Variants in PPM1E observed in about 807,000 individuals in gnomAD.
The protein encoded by PPM1E is protein phosphatase, Mg2+/Mn2+ dependent 1E.
In PPM1E, 20 loss-of-function variants were observed where a neutral mutation model predicts 65.9. The ratio of observed to expected loss-of-function variants is 0.30; its 90% confidence interval spans 0.21 to 0.44. PPM1E has a LOEUF of 0.44. Among genes scored for constraint, PPM1E ranks in the 20% least tolerant of loss-of-function variants. The pLI, the probability that PPM1E is intolerant of heterozygous loss-of-function variation, is 1.00. For synonymous variants in PPM1E, 352 were observed against 374.9 expected, an observed-to-expected ratio of 0.94 and a Z score of 0.70; for missense variants, 713 against 953.1, an observed-to-expected ratio of 0.75 and a Z score of 3.32.
chr17:58,909,716 C>G (rs1392170250), intron 1 of PPM1E, among the ~76,000 whole-genome samples: 1 of 151,962 alleles, frequency 6.6e-6, no homozygotes, highest in Non-Finnish European at 1.5e-5. Context: ...ATTTTTCTGG[C>G]TTCTTTCAAG....
At chr17:58,788,460 G>A (rs2050125771) in intron 1 of PPM1E, among the ~76,000 whole-genome samples, 1 of 152,068 alleles carries the variant, frequency 6.6e-6, no homozygotes, top group South Asian at 2.1e-4. Context: ...TTTCACTACG[G>A]GTATAGTTTC....
At chr17:58,891,908 T>G (rs1439957469) in intron 1 of PPM1E, among the ~76,000 whole-genome samples, 1 of 150,564 alleles carries the variant, frequency 6.6e-6, no homozygotes, top group African/African-American at 2.5e-5. Context: ...TGATCTCAGT[T>G]CACTGCAACC....
intron 1 of PPM1E, among the ~76,000 whole-genome samples, chr17:58,842,378 T>G (rs2050728221): frequency 6.6e-6 from 1 of 152,226 alleles, no homozygotes; most frequent in Admixed American, 6.5e-5. Context: ...AATAATAACT[T>G]TTCAGTATTC....
intron 1 of PPM1E, among the ~76,000 whole-genome samples, chr17:58,863,799 G>A (rs1290818071): frequency 1.3e-5 from 2 of 152,124 alleles, no homozygotes; most frequent in African/African-American, 2.4e-5. Context: ...ACACCTCTCC[G>A]ACCATCCCCA....
At chr17:58,843,325 CA>C (rs1177213005) in intron 1 of PPM1E, among the ~76,000 whole-genome samples, 3,819 of 91,368 alleles carry the variant, frequency 0.042, 67 homozygotes, top group Non-Finnish European at 0.049. Flanking sequence ...GACTCCCTCT[CA>C]AAAAAAAAAA....
chr17:58,872,615 G>T (rs939293636), intron 1 of PPM1E, among the ~76,000 whole-genome samples: 4 of 152,072 alleles, frequency 2.6e-5, no homozygotes, highest in Admixed American at 6.6e-5. Flanking sequence ...TGTTTTTGTG[G>T]GCTGGTTGCT....
At chr17:58,818,371 C>T (rs1349286786) in intron 1 of PPM1E, among the ~76,000 whole-genome samples, 1 of 152,114 alleles carries the variant, frequency 6.6e-6, no homozygotes, top group Non-Finnish European at 1.5e-5. Flanking sequence ...TTCAGAACAT[C>T]TTTATCTACA....
intron 1 of PPM1E, among the ~76,000 whole-genome samples, chr17:58,942,028 G>A (rs1019890202): frequency 2.0e-5 from 3 of 151,040 alleles, no homozygotes; most frequent in African/African-American, 7.3e-5. Flanking sequence ...AAAAAATGCT[G>A]GTCATAATTC....
chr17:58,784,905 T>G (rs2050084436), intron 1 of PPM1E, among the ~76,000 whole-genome samples: 1 of 152,242 alleles, frequency 6.6e-6, no homozygotes, highest in Non-Finnish European at 1.5e-5. Context: ...AGAAGTCCCT[T>G]ATCATATATG....
At chr17:58,962,284 C>CAA (rs768983417) in intron 2 of PPM1E, among the ~76,000 whole-genome samples, 3 of 79,026 alleles carry the variant, frequency 3.8e-5, no homozygotes, top group Non-Finnish European at 5.2e-5. Flanking sequence ...AACTCCATCT[C>CAA]AAAAAAAAAA....
At position 58,765,967 on chromosome 17, in the gene PPM1E, G is replaced by A. The variant is rs531320464; in HGVS notation, c.464+9506G>A. On this transcript the variant is annotated intron_variant, in intron 1 of 6. Transcript: ENST00000308249. Reference sequence around the variant, plus strand: ...CCAGTCTCGGCGCACTGCAACCTCCGCCTCCCAAGTTCAAGCGATTCTCCT... The same window carrying A: ...CCAGTCTCGGCGCACTGCAACCTCCACCTCCCAAGTTCAAGCGATTCTCCT... Among the ~76,000 whole-genome samples, 472 of 141,288 alleles carry A rather than the reference G, an allele frequency of 3.3e-3. 5 individuals are homozygous for A. The highest frequency in any genetic ancestry group is 0.012 in the African/African-American group (453 of 37,952). 92.7% of individuals were successfully genotyped at this position (141,288 alleles called of 152,430 possible).
rs372962171 is a variant in PPM1E at position 58,816,955 on chromosome 17, C to G, written c.464+60494C>G. ...GGCCTATGGCGCATGACCACCATGC[C>G]TGGCTAATTTTTTTGTATTTCTGGT... On this transcript the variant is annotated intron_variant, in intron 1 of 6. Coordinates refer to ENST00000308249, the MANE Select transcript of PPM1E (RefSeq NM_014906.5). Among the ~76,000 whole-genome samples, 53 of 151,332 alleles carry G rather than the reference C, an allele frequency of 3.5e-4. 1 individual carries two copies. In the East Asian group the frequency reaches 0.01, roughly 29 times the overall value.
intron 1 of PPM1E, among the ~76,000 whole-genome samples, chr17:58,928,367 A>G (rs1598655513): frequency 2.0e-5 from 3 of 151,926 alleles, no homozygotes; most frequent in South Asian, 4.1e-4. Flanking sequence ...AGAAATTATT[A>G]TATCTATTAT....
chr17:58,823,975 C>T (rs2050506527), intron 1 of PPM1E, among the ~76,000 whole-genome samples: 1 of 152,140 alleles, frequency 6.6e-6, no homozygotes, highest in Non-Finnish European at 1.5e-5. Context: ...CGTGATCTGC[C>T]TGCCTCAGCC....
intron 1 of PPM1E, among the ~76,000 whole-genome samples, chr17:58,784,447 G>C (rs1197161724): frequency 1.3e-5 from 2 of 149,876 alleles, no homozygotes; most frequent in Non-Finnish European, 3.0e-5. Flanking sequence ...CTGGCCATTT[G>C]TATATCTTCT....
At chr17:58,877,269 TTG>T (rs2051138388) in intron 1 of PPM1E, among the ~76,000 whole-genome samples, 1 of 152,202 alleles carries the variant, frequency 6.6e-6, no homozygotes, top group East Asian at 1.9e-4. Flanking sequence ...TTTTTCCTCA[TTG>T]TTAATGAAAA....
chr17:58,771,892 G>C (rs146330515), intron 1 of PPM1E, among the ~76,000 whole-genome samples: 1 of 152,124 alleles, frequency 6.6e-6, no homozygotes, highest in Non-Finnish European at 1.5e-5. Context: ...CTCAAGAAGT[G>C]TGCAGTTTAG....
chr17:58,805,177 C>CT (rs1238300944), intron 1 of PPM1E, among the ~76,000 whole-genome samples: 1 of 151,984 alleles, frequency 6.6e-6, no homozygotes, highest in African/African-American at 2.4e-5. Context: ...TGAATAAGAT[C>CT]TTTAGTGGTG....
chr17:58,931,416 G>GAGGGAGAGAAGGAGGGAGGA (rs2051897191), intron 1 of PPM1E, among the ~76,000 whole-genome samples: 1 of 145,108 alleles, frequency 6.9e-6, no homozygotes, highest in African/African-American at 2.5e-5. Context: ...GGGAGGGAGG[G>GAGGGAGAGAAGGAGGGAGGA]AGGGAGAGAA....
Sources: gnomAD v4.1 joint callset for allele counts (sites outside exome capture counted in the v4.1 genomes callset) on GRCh38, gnomAD v4.1.1 for gene constraint, MANE v1.5 for transcripts, NCBI Gene and HGNC (gene_info 2026-07-23, HGNC 2026-07-21) for gene names.